The following COL5A1 variants were observed in gnomAD, a reference collection of about 807,000 sequenced individuals.
The protein encoded by COL5A1 is collagen alpha-1(V) chain.
Under a neutral mutation model 263.7 loss-of-function variants are expected in COL5A1, and 16 were observed. That is an observed-to-expected ratio of 0.06 (90% CI 0.04 to 0.09). The LOEUF (loss-of-function observed/expected upper bound fraction) is 0.09, where lower values mean the gene tolerates loss of function less well. COL5A1 is among the 10% of genes least tolerant of loss of function. The pLI, the probability that COL5A1 is intolerant of heterozygous loss-of-function variation, is 1.00. For synonymous variants in COL5A1, 1,012 were observed against 1,004.5 expected (o/e 1.01, Z -0.14); for missense variants, 2,036 against 2,540.5 (o/e 0.80, Z 4.27).
At chr9:134,732,228 T>C (rs1834913362) in intron 9 of COL5A1, 101 bp downstream of exon 9, 2 of 1,242,866 alleles carry the variant, frequency 1.6e-6, no homozygotes, top group Non-Finnish European at 2.4e-6. Context: ...CCCCTGCACC[T>C]GCGCGCACTG....
At chr9:134,762,679 A>AG (rs1025962225) in intron 19 of COL5A1, among the ~76,000 whole-genome samples, 1 of 152,246 alleles carries the variant, frequency 6.6e-6, no homozygotes, top group East Asian at 1.9e-4. Context: ...AGAGGTGTTT[A>AG]GGGGGAAAGC....
At position 134,842,409 on chromosome 9, in the gene COL5A1, C is replaced by G; in HGVS notation, c.*106C>G. 1.5e-5 allele frequency: 20 copies of G among 1,370,206 alleles called. No homozygotes were observed. The highest frequency in any genetic ancestry group is 2.0e-5 in the Non-Finnish European group (20 of 987,246). The allele number at this position is 1,370,206 out of a possible 1,614,324, so 84.9% of individuals were successfully genotyped here. A position where few individuals can be genotyped will look rare whatever the true frequency, so the allele number is the denominator to read the frequency against. ...GACCCTGGACAGTGAAGGCTTCTCC[C>G]TCCCCTCCCACCTGACTTCATCTAC... On this transcript the variant is annotated 3_prime_UTR_variant, in exon 66 of 66. Coordinates refer to ENST00000371817, the MANE Select transcript of COL5A1 (RefSeq NM_000093.5). The surrounding 1 kb of genome is among the most constrained non-coding windows in gnomAD (Gnocchi z 5.8).
chr9:134,813,130 G>C, intron 48 of COL5A1, among the ~76,000 whole-genome samples: 1 of 151,778 alleles, frequency 6.6e-6, no homozygotes, highest in East Asian at 1.9e-4. Flanking sequence ...TTCTCAAATG[G>C]GTCCTCTCCA....
At chr9:134,719,309 T>C (rs955758556) in intron 4 of COL5A1, among the ~76,000 whole-genome samples, 6 of 152,222 alleles carry the variant, frequency 3.9e-5, no homozygotes, top group African/African-American at 1.4e-4. Flanking sequence ...CGTAGGCATG[T>C]ATGTCACGCA....
intron 61 of COL5A1, 23 bp from the exon 62 acceptor site, chr9:134,824,577 G>A (rs149358965): frequency 1.2e-4 from 190 of 1,613,232 alleles, no homozygotes; most frequent in Admixed American, 2.3e-4. Flanking sequence ...ATCACCCACC[G>A]CTGCTCCTGT....
rs541263607 is a variant in COL5A1, at chr9:134,784,024, C to T, written c.2485-965C>T. 7.2e-5 allele frequency among the ~76,000 whole-genome samples: 11 copies of T among 152,128 alleles called. No homozygotes were observed. In the South Asian group the frequency reaches 1.9e-3, roughly 26 times the overall value. ...GAGTGGAGCTCTCGTTGCCATGGGA[C>T]GAGGGTGGGATGCAGGGGTGGGACC... On this transcript the variant is annotated intron_variant, in intron 29 of 65. Transcript: ENST00000371817.
chr9:134,734,473 T>C (rs1236726300), intron 9 of COL5A1, among the ~76,000 whole-genome samples: 1 of 152,238 alleles, frequency 6.6e-6, no homozygotes, highest in Admixed American at 6.5e-5. Context: ...CCAGATATCC[T>C]TGGGTCCAAG....
chr9:134,821,235 G>A lies in COL5A1; in HGVS notation c.4555-862G>A, dbSNP rs887201099. Among the ~76,000 whole-genome samples the A allele has an allele frequency of 7.1e-6, 1 of 140,456 alleles. No homozygotes were observed. The highest frequency in any genetic ancestry group is 1.7e-5 in the Non-Finnish European group (1 of 60,406). 92.1% of individuals were successfully genotyped at this position (140,456 alleles called of 152,430 possible). ...CACGGCCAGCGGGGAAAGCACCCCT[G>A]TGTCCACCCTGTTTGCTCACCTGCC... On this transcript the variant is annotated intron_variant, in intron 58 of 65. Transcript: ENST00000371817. This position sits in a 1 kb window ranked among gnomAD's most constrained non-coding sequence, Gnocchi z 4.2.
Position 134,842,009 on chromosome 9 carries a change from C to CAACA in COL5A1, c.5371-147_5371-144dup. 3.5e-6 allele frequency: 3 copies of CAACA among 851,768 alleles called. No homozygotes were observed. The highest frequency in any genetic ancestry group is 3.9e-6 in the Non-Finnish European group (2 of 519,284). The allele number at this position is 851,768 out of a possible 1,614,324, so 52.8% of individuals were successfully genotyped here. On this transcript the variant is annotated intron_variant, in intron 65 of 65. Coordinates refer to ENST00000371817, the MANE Select transcript of COL5A1 (RefSeq NM_000093.5). This position sits in a 1 kb window ranked among gnomAD's most constrained non-coding sequence, Gnocchi z 5.8. Reference sequence around the variant, plus strand: ...ATGCTCTGATCAGCCATATTTCCTCCAACACTTGCCCGGGCAAGCGCAGCC... The same window carrying CAACA: ...ATGCTCTGATCAGCCATATTTCCTCCAACAAACACTTGCCCGGGCAAGCGCAGCC...
At chr9:134,756,646 C>T (rs1835985912) in intron 16 of COL5A1, 119 bp from the exon 17 acceptor site, 1 of 1,135,430 alleles carries the variant, frequency 8.8e-7, no homozygotes, top group South Asian at 1.2e-5. Context: ...GGGCTGTGAC[C>T]TTGGGGGTGG....
At chr9:134,676,708 G>GAGCCACGAATGCACAGTTCCTTTGTTTGT (rs1554777808) in intron 1 of COL5A1, among the ~76,000 whole-genome samples, 7 of 76,750 alleles carry the variant, frequency 9.1e-5, no homozygotes, top group South Asian at 4.5e-4. Context: ...TTATTTGCTG[G>GAGCCACGAATGCACAGTTCCTTTGTTTGT]TGGGGGTGGT....
At chr9:134,819,314 G>A (rs547426855) in intron 57 of COL5A1, among the ~76,000 whole-genome samples, 1 of 152,372 alleles carries the variant, frequency 6.6e-6, no homozygotes, top group African/African-American at 2.4e-5. Flanking sequence ...TTCCAGCTAG[G>A]CACAGAGGCC....
intron 1 of COL5A1, among the ~76,000 whole-genome samples, chr9:134,659,828 C>T (rs1443914831): frequency 6.6e-6 from 1 of 152,206 alleles, no homozygotes; most frequent in African/African-American, 2.4e-5. Context: ...GCTGTGTGTG[C>T]ACTGTTTGCT....
At chr9:134,796,028 C>T (rs974486872) in intron 34 of COL5A1, among the ~76,000 whole-genome samples, 3 of 151,912 alleles carry the variant, frequency 2.0e-5, no homozygotes, top group East Asian at 1.9e-4. Flanking sequence ...GCAGCTGTCA[C>T]ATGGGGGTGG....
At chr9:134,759,657 T>TGCACACAC (rs1836190672) in intron 18 of COL5A1, among the ~76,000 whole-genome samples, 1 of 47,466 alleles carries the variant, frequency 2.1e-5, no homozygotes, top group African/African-American at 1.4e-4. Flanking sequence ...CATGCACACA[T>TGCACACAC]ACGCATGCAC....
intron 64 of COL5A1, among the ~76,000 whole-genome samples, chr9:134,834,532 G>A (rs552571895): frequency 1.6e-4 from 25 of 152,280 alleles, no homozygotes; most frequent in African/African-American, 4.6e-4. Flanking sequence ...GCCATGGGGC[G>A]GGTACCACGG....
chr9:134,771,081 G>A (rs72774438), intron 25 of COL5A1, among the ~76,000 whole-genome samples: 1 of 152,366 alleles, frequency 6.6e-6, no homozygotes, highest in African/African-American at 2.4e-5. Context: ...GTGCGTCTCC[G>A]CAGCGGCGCT....
At chr9:134,691,146 A>G in intron 2 of COL5A1, 67 bp downstream of exon 2, 2 of 1,599,298 alleles carry the variant, frequency 1.3e-6, no homozygotes, top group Non-Finnish European at 1.7e-6. Context: ...AGCCAGGAGC[A>G]GCGCTCAAGC....
chr9:134,785,863 C>T lies in COL5A1; in HGVS notation c.2593-132C>T, dbSNP rs1344357491. 15 of 794,672 alleles carry T rather than the reference C, an allele frequency of 1.9e-5. 1 individual carries two copies. Among genetic ancestry groups the T allele is most frequent in the South Asian group, 5.9e-5 (4 of 67,776 alleles). 49.2% of individuals were successfully genotyped at this position (794,672 alleles called of 1,614,324 possible). On this transcript the variant is annotated intron_variant, in intron 30 of 65. Transcript: ENST00000371817. ...GGCAGGCAGGGCTTCTGCATAATGA[C>T]GTGTGCCCCCGCCTCTGGAAACCAC...
Sources: allele counts gnomAD v4.1 joint callset (sites outside exome capture counted in the v4.1 genomes callset), GRCh38; gene constraint gnomAD v4.1.1; non-coding constraint Gnocchi (gnomAD v3.1); transcripts MANE v1.5; gene names NCBI Gene and HGNC (gene_info 2026-07-23, HGNC 2026-07-21).